Variants in DTNB observed in about 807,000 individuals in gnomAD.
The protein encoded by DTNB is DTN-B.
In DTNB, 63 loss-of-function variants were observed where a neutral mutation model predicts 90.7. The ratio of observed to expected loss-of-function variants is 0.69; its 90% confidence interval spans 0.57 to 0.86. The LOEUF is 0.86. Ranked by LOEUF, DTNB falls within the 40% of genes least tolerant of loss-of-function variation. The pLI, the probability that DTNB is intolerant of heterozygous loss-of-function variation, is 0.00. For missense variants in DTNB, 744 were observed against 807.1 expected, an observed-to-expected ratio of 0.92 and a Z score of 0.95; for synonymous variants, 277 against 286.7, an observed-to-expected ratio of 0.97 and a Z score of 0.34.
chr2:25,493,505 T>A (rs1001969549), intron 9 of DTNB, among the ~76,000 whole-genome samples: 1 of 152,180 alleles, frequency 6.6e-6, no homozygotes, highest in Non-Finnish European at 1.5e-5. Flanking sequence ...TCTCTCTCCA[T>A]CAAGTTGTTG....
intron 16 of DTNB, among the ~76,000 whole-genome samples, chr2:25,390,170 T>C (rs2040699858): frequency 6.6e-6 from 1 of 152,196 alleles, no homozygotes; most frequent in African/African-American, 2.4e-5. Context: ...TTTGCATGAA[T>C]GGTATTGTAC....
chr2:25,547,323 CT>C (rs57298172), intron 8 of DTNB, among the ~76,000 whole-genome samples: 1,174 of 115,554 alleles, frequency 0.01, 17 homozygotes, highest in African/African-American at 0.032. Flanking sequence ...TCTTTCTTTC[CT>C]TTTTTTTTTT....
chr2:25,629,564 T>C (rs1455829193), intron 3 of DTNB, among the ~76,000 whole-genome samples: 1 of 152,156 alleles, frequency 6.6e-6, no homozygotes, highest in Non-Finnish European at 1.5e-5. Context: ...AAAAAAGATT[T>C]AAATATAAGT....
At chr2:25,570,597 G>A (rs1483101076) in intron 8 of DTNB, among the ~76,000 whole-genome samples, 1 of 152,108 alleles carries the variant, frequency 6.6e-6, no homozygotes, top group African/African-American at 2.4e-5. Flanking sequence ...CAAAGGGTCA[G>A]TTCTTATTCC....
In DTNB at chr2:25,620,283, T is replaced by A. The variant is rs79377660; in HGVS notation, c.362+7888A>T. Among the ~76,000 whole-genome samples the A allele has an allele frequency of 3.1e-3, 475 of 152,198 alleles. 2 individuals are homozygous for A. Among genetic ancestry groups the A allele is most frequent in the African/African-American group, 0.011 (450 of 41,540 alleles). On this transcript the variant is annotated intron_variant, in intron 4 of 20. Transcript: ENST00000406818. The stretch of plus-strand genomic sequence containing the variant: ...TTATCATTAAACCAACGGAGGAGTG[T>A]GAGCTTAATTCAAAACCACAGGGAT...
intron 8 of DTNB, among the ~76,000 whole-genome samples, chr2:25,537,687 C>T (rs1262078573): frequency 6.6e-6 from 1 of 152,176 alleles, no homozygotes; most frequent in Non-Finnish European, 1.5e-5. Flanking sequence ...TAGGAGGCTA[C>T]TATAACAAAG....
At chr2:25,417,335 C>T (rs534224714) in intron 16 of DTNB, among the ~76,000 whole-genome samples, 2 of 152,190 alleles carry the variant, frequency 1.3e-5, no homozygotes, top group Admixed American at 6.5e-5. Context: ...TGAAAGGTCA[C>T]TGAAATGGAC....
intron 18 of DTNB, chr2:25,386,185 T>C (rs2039420174): frequency 1.1e-6 from 1 of 878,086 alleles, no homozygotes; most frequent in African/African-American, 1.8e-5. Flanking sequence ...AAGACGAAGC[T>C]GGGCTATACA....
At position 25,547,149 on chromosome 2, in the gene DTNB, A is replaced by C. The variant is rs80208000; in HGVS notation, c.877-15552T>G. Among the ~76,000 whole-genome samples the C allele has an allele frequency of 9.7e-3, 1,478 of 152,210 alleles. 25 individuals carry two copies. The highest frequency in any genetic ancestry group is 0.034 in the African/African-American group (1,405 of 41,530). On this transcript the variant is annotated intron_variant, in intron 8 of 20. Coordinates refer to ENST00000406818, the MANE Select transcript of DTNB (RefSeq NM_021907.5). ...TAGCAATGAGCCACCACACCTGGCC[A>C]GACTTTCAATTATTTTAAATGCAAG...
At position 25,383,898 on chromosome 2, in the gene DTNB, A is replaced by G. The variant is rs2038666053; in HGVS notation, c.1826-9T>C. 1 of 1,613,916 alleles carries G rather than the reference A, an allele frequency of 6.2e-7. No homozygotes were observed. Among genetic ancestry groups the G allele is most frequent in the African/African-American group, 1.3e-5 (1 of 74,930 alleles). On this transcript the variant is annotated splice_polypyrimidine_tract_variant and intron_variant, in intron 18 of 20. Coordinates refer to ENST00000406818, the MANE Select transcript of DTNB (RefSeq NM_021907.5). ...CTCTGCACCTTCCTCTGCTGTGAAA[A>G]CAAGTCCAAGGAGGCCAGTGACCCT... is the stretch of plus-strand genomic sequence containing the variant.
intron 9 of DTNB, among the ~76,000 whole-genome samples, chr2:25,511,631 C>A (rs116096080): frequency 1.1e-3 from 161 of 152,298 alleles, no homozygotes; most frequent in African/African-American, 3.7e-3. Flanking sequence ...CGCGCCCAAT[C>A]GGGTTACTTT....
intron 9 of DTNB, among the ~76,000 whole-genome samples, chr2:25,514,808 T>A (rs180944189): frequency 8.2e-4 from 123 of 150,126 alleles, no homozygotes; most frequent in African/African-American, 2.8e-3. Flanking sequence ...CTCAGCCTCC[T>A]GAGTAGCTGG....
chr2:25,460,138 T>A (rs2150197291), intron 10 of DTNB, among the ~76,000 whole-genome samples: 1 of 152,092 alleles, frequency 6.6e-6, no homozygotes, highest in South Asian at 2.1e-4. Flanking sequence ...ATACAGTTGA[T>A]CTCATAGTCA....
At chr2:25,568,743 T>G (rs1264341395) in intron 8 of DTNB, among the ~76,000 whole-genome samples, 1 of 152,246 alleles carries the variant, frequency 6.6e-6, no homozygotes. Context: ...AGAAGATCAC[T>G]GCGACAATGT....
intron 12 of DTNB, among the ~76,000 whole-genome samples, chr2:25,435,994 T>C (rs777186919): frequency 1.3e-5 from 2 of 152,238 alleles, no homozygotes; most frequent in African/African-American, 2.4e-5. Flanking sequence ...AATTATGTGA[T>C]TGTGATTTGC....
At chr2:25,492,722 A>G (rs1029388916) in intron 9 of DTNB, among the ~76,000 whole-genome samples, 2 of 152,026 alleles carry the variant, frequency 1.3e-5, no homozygotes, top group Admixed American at 1.3e-4. Flanking sequence ...GGTGGTGCAC[A>G]CCTGTAGTCC....
At chr2:25,625,551 A>ATTTTTTTTTTTTTTTTTTTTTTTTC (rs66586812) in intron 4 of DTNB, among the ~76,000 whole-genome samples, 2 of 73,946 alleles carry the variant, frequency 2.7e-5, no homozygotes, top group African/African-American at 5.7e-5. Context: ...TAACTCACTC[A>ATTTTTTTTTTTTTTTTTTTTTTTTC]TTTTTTTTTT....
intron 15 of DTNB, among the ~76,000 whole-genome samples, chr2:25,419,847 T>G (rs2048948993): frequency 6.6e-6 from 1 of 152,216 alleles, no homozygotes; most frequent in African/African-American, 2.4e-5. Context: ...CTGCCTAAGG[T>G]TCACATAGCT....
chr2:25,566,671 C>T (rs997175120), intron 8 of DTNB, among the ~76,000 whole-genome samples: 1 of 152,072 alleles, frequency 6.6e-6, no homozygotes, highest in Non-Finnish European at 1.5e-5. Context: ...ATAGTCAATC[C>T]CTAATAGTCG....
Sources: gnomAD v4.1 joint callset for allele counts (sites outside exome capture counted in the v4.1 genomes callset) on GRCh38, gnomAD v4.1.1 for gene constraint, MANE v1.5 for transcripts, NCBI Gene and HGNC (gene_info 2026-07-23, HGNC 2026-07-21) for gene names.